The following PTPRC variants were observed in gnomAD, a reference collection of about 807,000 sequenced individuals.
PTPRC encodes the protein receptor-type tyrosine-protein phosphatase C.
In PTPRC, 44 loss-of-function variants were observed where a neutral mutation model predicts 155.9. The observed-to-expected ratio is 0.28, with a 90% confidence interval of 0.22 to 0.36. The LOEUF is 0.36. PTPRC is among the 10% of genes least tolerant of loss of function. The pLI, the probability that PTPRC is intolerant of heterozygous loss-of-function variation, is 1.00. For synonymous variants in PTPRC, 525 were observed against 533.1 expected, an observed-to-expected ratio of 0.98 and a Z score of 0.21; for missense variants, 1,401 against 1,564.6, an observed-to-expected ratio of 0.90 and a Z score of 1.76.
At chr1:198,748,268 GAC>G in intron 27 of PTPRC, 69 bp downstream of exon 27, 2 of 1,519,310 alleles carry the variant, frequency 1.3e-6, no homozygotes, top group Non-Finnish European at 8.8e-7. Context: ...TTTAATGTGG[GAC>G]ACACAGTCAT....
At chr1:198,693,650 T>C (rs113531610) in intron 3 of PTPRC, among the ~76,000 whole-genome samples, 38 of 152,260 alleles carry the variant, frequency 2.5e-4, no homozygotes, top group African/African-American at 8.9e-4. Flanking sequence ...CTCCCAAATA[T>C]TGGCCACAAC....
chr1:198,735,961 G>T (rs1175434235), intron 23 of PTPRC, among the ~76,000 whole-genome samples: 1 of 151,510 alleles, frequency 6.6e-6, no homozygotes, highest in African/African-American at 2.4e-5. Context: ...AATGTAATAT[G>T]AATACCAAAT....
chr1:198,717,483 G>C lies in PTPRC; in HGVS notation c.1451-611G>C, dbSNP rs185296622. Among the ~76,000 whole-genome samples, 688 of 152,302 alleles carry C rather than the reference G, an allele frequency of 4.5e-3. 2 individuals are homozygous for C. Among genetic ancestry groups the C allele is most frequent in the Non-Finnish European group, 8.2e-3 (561 of 68,028 alleles). ...GCCGTGTTTTAAGGCAGCATCTATA[G>C]CTCCAGAGACCCTAACGGGCACTAG... On this transcript the variant is annotated intron_variant, in intron 13 of 32. Transcript: ENST00000442510.
chr1:198,732,822 T>C (rs1391159844), intron 20 of PTPRC, among the ~76,000 whole-genome samples: 2 of 151,904 alleles, frequency 1.3e-5, no homozygotes, highest in South Asian at 2.1e-4. Context: ...TGCTAGATAT[T>C]AGACTAAATA....
At chr1:198,651,496 G>T (rs1663249571) in intron 2 of PTPRC, among the ~76,000 whole-genome samples, 1 of 151,692 alleles carries the variant, frequency 6.6e-6, no homozygotes, top group Non-Finnish European at 1.5e-5. Flanking sequence ...GTATATCTCT[G>T]TGTGTAATTT....
At position 198,728,231 on chromosome 1, in the gene PTPRC, A is replaced by G; in HGVS notation, c.1721-109A>G. ...TAAAATGTTTATTTTTTAAAACCTC[A>G]CAATAAATTTAAAAATATTAAAATA... On this transcript the variant is annotated intron_variant, in intron 15 of 32. Transcript: ENST00000442510. 6.2e-6 allele frequency: 5 copies of G among 808,186 alleles called. No individual in the cohort carries two copies. The South Asian group carries it at 9.9e-5, about 16-fold the overall frequency. The allele number at this position is 808,186 out of a possible 1,614,324, so 50.1% of individuals were successfully genotyped here.
intron 2 of PTPRC, among the ~76,000 whole-genome samples, chr1:198,648,564 G>A (rs1456364888): frequency 6.6e-6 from 1 of 151,704 alleles, no homozygotes; most frequent in Non-Finnish European, 1.5e-5. Flanking sequence ...ATTTCTCAGA[G>A]GTTGTTTGTG....
At chr1:198,658,853 C>G (rs1663759233) in intron 2 of PTPRC, among the ~76,000 whole-genome samples, 1 of 152,062 alleles carries the variant, frequency 6.6e-6, no homozygotes, top group African/African-American at 2.4e-5. Flanking sequence ...CCAGCTAACC[C>G]TTACCTTTTA....
intron 3 of PTPRC, among the ~76,000 whole-genome samples, chr1:198,693,736 GT>G (rs1666051136): frequency 6.6e-6 from 1 of 152,192 alleles, no homozygotes; most frequent in South Asian, 2.1e-4. Context: ...ATTGAGTCAG[GT>G]TTTCTAATTT....
rs749379347 is a variant in PTPRC at position 198,718,169 on chromosome 1, G to A, written c.1526G>A (p.Arg509Lys). ...NSMHVKCRPPRDRNGPHERYH... is the reference protein window; with the variant it reads ...NSMHVKCRPPKDRNGPHERYH... ...ATGCATGTCAAGTGTAGGCCTCCCA[G>A]GGACCGTAATGGCCCCCATGAACGT... The change falls in exon 14 of 33, where the codon AGG becomes AAG. Residue 509 changes from arginine (R) to lysine (K), a missense_variant. Coordinates refer to ENST00000442510, the MANE Select transcript of PTPRC (RefSeq NM_002838.5). The A allele has an allele frequency of 6.2e-7, 1 of 1,613,912 alleles. No homozygotes were observed. Among genetic ancestry groups the A allele is most frequent in the Admixed American group, 1.7e-5 (1 of 60,022 alleles).
chr1:198,683,267 T>C (rs1022050955), intron 2 of PTPRC, among the ~76,000 whole-genome samples: 5 of 152,170 alleles, frequency 3.3e-5, no homozygotes, highest in South Asian at 2.1e-4. Context: ...ACACTGTTGA[T>C]AGCACCAAAT....
chr1:198,716,773 C>A lies in PTPRC; in HGVS notation c.1383C>A (p.Ala461=). 2 of 1,613,374 alleles carry A rather than the reference C, an allele frequency of 1.2e-6. No homozygotes were observed. Among genetic ancestry groups the A allele is most frequent in the Non-Finnish European group, 1.7e-6 (2 of 1,179,852 alleles). The stretch of plus-strand genomic sequence containing the variant: ...CGAAATATGTTTTATCATTACATGC[C>A]TACATCATTGCAAAAGTGCAACGTA... ...PYTKYVLSLH[A]YIIAKVQRNG... The change falls in exon 13 of 33, where the codon GCC becomes GCA. Residue 461 remains alanine, a synonymous_variant. Coordinates refer to ENST00000442510, the MANE Select transcript of PTPRC (RefSeq NM_002838.5).
chr1:198,752,395 T>C, intron 30 of PTPRC, 24 bp downstream of exon 30: 2 of 1,611,444 alleles, frequency 1.2e-6, no homozygotes, highest in South Asian at 1.1e-5. Flanking sequence ...TTGGGGAGTA[T>C]ATTTCTTTGA....
At position 198,754,324 on chromosome 1, in the gene PTPRC, G is replaced by T; in HGVS notation, c.3565G>T (p.Ala1189Ser). The T allele has an allele frequency of 6.2e-7, 1 of 1,612,476 alleles. No homozygotes were observed. The highest frequency in any genetic ancestry group is 8.5e-7 in the Non-Finnish European group (1 of 1,178,808). ...FCALLNLLES[A>S]ETEEVVDIFQ... ...TGCTTTGTTAAATCTCTTAGAAAGT[G>T]CGGAAACAGAAGAGGTAGTGGATAT... The change falls in exon 32 of 33, where the codon GCG (alanine) becomes TCG (serine). Residue 1189 changes from alanine to serine, a missense_variant. Physicochemically the swap from Ala to Ser is moderately conservative, Grantham distance 99. Around this residue, in one of 3 missense-constraint regions of PTPRC, gnomAD observed 400 missense variants for 389.5 expected, o/e 1.03. Coordinates refer to ENST00000442510, the MANE Select transcript of PTPRC (RefSeq NM_002838.5).
At chr1:198,753,492 CTT>C (rs1214832763) in intron 31 of PTPRC, among the ~76,000 whole-genome samples, 2 of 151,622 alleles carry the variant, frequency 1.3e-5, no homozygotes, top group East Asian at 1.9e-4. Context: ...TAGTGAAAAA[CTT>C]TTGGAATTTT....
At chr1:198,743,927 T>C (rs1031198639) in intron 25 of PTPRC, 127 bp from the exon 26 acceptor site, 8 of 870,896 alleles carry the variant, frequency 9.2e-6, no homozygotes, top group Non-Finnish European at 1.3e-5. Flanking sequence ...ATTATAGATA[T>C]CAATTTACTT....
intron 23 of PTPRC, among the ~76,000 whole-genome samples, chr1:198,739,525 A>G (rs1021552588): frequency 6.6e-6 from 1 of 151,868 alleles, no homozygotes; most frequent in Non-Finnish European, 1.5e-5. Context: ...CAGCAAGAGG[A>G]TATAACAATT....
intron 2 of PTPRC, among the ~76,000 whole-genome samples, chr1:198,642,020 A>G (rs534231955): frequency 2.0e-5 from 3 of 152,174 alleles, no homozygotes; most frequent in South Asian, 4.1e-4. Context: ...GATTAGAATT[A>G]CTTATTAATT....
intron 7 of PTPRC, chr1:198,703,699 G>A (rs561281405): frequency 2.6e-6 from 1 of 382,746 alleles, no homozygotes; most frequent in Non-Finnish European, 4.9e-6. Context: ...ATTGCAAGTG[G>A]TGAGCATCAG....
Sources: allele counts gnomAD v4.1 joint callset (sites outside exome capture counted in the v4.1 genomes callset), GRCh38; gene constraint gnomAD v4.1.1; regional missense constraint gnomAD v4.1.1; transcripts MANE v1.5; gene names NCBI Gene and HGNC (gene_info 2026-07-23, HGNC 2026-07-21).